The following LRRC7 variants were observed in gnomAD, a reference collection of about 807,000 sequenced individuals.
LRRC7 encodes leucine rich repeat containing 7, also known as leucine-rich repeat-containing protein 7.
In LRRC7, 23 loss-of-function variants were observed where a neutral mutation model predicts 175.7. The observed-to-expected ratio is 0.13, with a 90% CI of 0.09 to 0.19. The LOEUF is 0.19. Among genes scored for constraint, LRRC7 ranks in the 10% least tolerant of loss-of-function variants. The pLI, the probability that LRRC7 is intolerant of heterozygous loss-of-function variation, is 1.00. For synonymous variants in LRRC7, 685 were observed against 680.9 expected (o/e 1.01, Z -0.09); for missense variants, 1,354 against 1,904.7 (o/e 0.71, Z 5.38).
At chr1:69,671,064 T>A (rs1322498111) in intron 1 of LRRC7, among the ~76,000 whole-genome samples, 1 of 152,124 alleles carries the variant, frequency 6.6e-6, no homozygotes, top group African/African-American at 2.4e-5. Context: ...TTCCCTTCAC[T>A]TTTCTCAAGC....
At chr1:69,666,662 T>C (rs1263546652) in intron 1 of LRRC7, among the ~76,000 whole-genome samples, 1 of 152,068 alleles carries the variant, frequency 6.6e-6, no homozygotes, top group Non-Finnish European at 1.5e-5. Flanking sequence ...AGTTGTAATA[T>C]CTCCTTTTTT....
chr1:70,132,207 G>GT lies in LRRC7; in HGVS notation c.*10321dup, dbSNP rs1666693049. On this transcript the variant is annotated 3_prime_UTR_variant, in exon 27 of 27. Coordinates refer to ENST00000651989, the MANE Select transcript of LRRC7 (RefSeq NM_001370785.2). The stretch of plus-strand genomic sequence containing the variant: ...TCTCTGCTCTCTCTTGGCCAGAGGA[G>GT]TAATCGTTCAGCTCTTCTTGGTTTC... The GT allele has an allele frequency of 6.6e-6, 1 of 152,250 alleles. No individual in the cohort carries two copies. Among genetic ancestry groups the GT allele is most frequent in the South Asian group, 2.1e-4 (1 of 4,832 alleles). 9.4% of individuals were successfully genotyped at this position (152,250 alleles called of 1,614,324 possible). A position where few individuals can be genotyped will look rare whatever the true frequency, so the allele number is the denominator to read the frequency against.
At chr1:69,676,989 A>C (rs549242678) in intron 1 of LRRC7, among the ~76,000 whole-genome samples, 1 of 151,794 alleles carries the variant, frequency 6.6e-6, no homozygotes, top group South Asian at 2.1e-4. Flanking sequence ...GTGCTTTTGC[A>C]TACTCATACC....
At chr1:70,075,299 T>G (rs1662689689) in intron 23 of LRRC7, among the ~76,000 whole-genome samples, 1 of 152,108 alleles carries the variant, frequency 6.6e-6, no homozygotes, top group African/African-American at 2.4e-5. Flanking sequence ...AAGGAGCTGG[T>G]GCTAAAATGA....
chr1:69,597,302 T>C (rs937878838), intron 1 of LRRC7, among the ~76,000 whole-genome samples: 2 of 152,122 alleles, frequency 1.3e-5, no homozygotes, highest in Admixed American at 1.3e-4. Flanking sequence ...CTAGCTAACC[T>C]TGGATGGGTT....
At chr1:69,832,431 G>A (rs983400635) in intron 5 of LRRC7, among the ~76,000 whole-genome samples, 7 of 152,104 alleles carry the variant, frequency 4.6e-5, no homozygotes, top group Non-Finnish European at 8.8e-5. Flanking sequence ...AAATTATAAA[G>A]GCAGGGAGTT....
intron 23 of LRRC7, among the ~76,000 whole-genome samples, chr1:70,058,298 C>T (rs1220706856): frequency 6.6e-6 from 1 of 152,184 alleles, no homozygotes; most frequent in East Asian, 1.9e-4. Context: ...GCGAGAGCCA[C>T]TGTGCCCGGC....
chr1:69,781,883 AAGGAAGGAAGGAAGG>A (rs1673757177), intron 3 of LRRC7, among the ~76,000 whole-genome samples: 3 of 146,184 alleles, frequency 2.1e-5, no homozygotes, highest in Admixed American at 1.4e-4. Flanking sequence ...GAAGAAAGAA[AAGGAAGGAAGGAAGG>A]GAAAGAAAGA....
chr1:69,997,971 GA>G (rs1655164199), intron 11 of LRRC7, among the ~76,000 whole-genome samples: 1 of 152,106 alleles, frequency 6.6e-6, no homozygotes, highest in South Asian at 2.1e-4. Flanking sequence ...GTTTCAGAAG[GA>G]ATGGTGCCAG....
chr1:69,629,218 A>G (rs1652081055), intron 1 of LRRC7, among the ~76,000 whole-genome samples: 1 of 152,130 alleles, frequency 6.6e-6, no homozygotes, highest in African/African-American at 2.4e-5. Context: ...TAACTGAGAA[A>G]AGGCTGTTAT....
At chr1:69,924,708 A>G (rs1042709366) in intron 7 of LRRC7, among the ~76,000 whole-genome samples, 3 of 152,196 alleles carry the variant, frequency 2.0e-5, no homozygotes, top group African/African-American at 7.2e-5. Flanking sequence ...GGCTGAGACA[A>G]TGGGGTTTCC....
Position 70,106,507 on chromosome 1 carries a change from A to G in LRRC7, c.4546-1245A>G, listed in dbSNP as rs376536003. Reference sequence around the variant, plus strand: ...TTCTATTGCCAAATAATATTTCATTATATAGATATATACCACATTTTGTTT... The same window carrying G: ...TTCTATTGCCAAATAATATTTCATTGTATAGATATATACCACATTTTGTTT... On this transcript the variant is annotated intron_variant, in intron 25 of 26. Coordinates refer to ENST00000651989, the MANE Select transcript of LRRC7 (RefSeq NM_001370785.2). 1.8e-4 allele frequency among the ~76,000 whole-genome samples: 27 copies of G among 152,300 alleles called. No homozygotes were observed. The South Asian group carries it at 3.9e-3, about 22-fold the overall frequency.
rs79172752 is a variant in LRRC7 at position 69,649,809 on chromosome 1, C to T, written c.3-28572C>T. Among the ~76,000 whole-genome samples, 584 of 151,496 alleles carry T rather than the reference C, an allele frequency of 3.9e-3. 14 individuals are homozygous for T. In the East Asian group the frequency reaches 0.041, roughly 11 times the overall value. ...GCAAGCAGCTTTAGACATTACAAAA[C>T]GGCTTAAGGGTGGTAAAGATGGCTT... On this transcript the variant is annotated intron_variant, in intron 1 of 26. Coordinates refer to ENST00000651989, the MANE Select transcript of LRRC7 (RefSeq NM_001370785.2).
chr1:69,856,943 G>T (rs1001296194), intron 7 of LRRC7, among the ~76,000 whole-genome samples: 2 of 152,108 alleles, frequency 1.3e-5, no homozygotes, highest in Non-Finnish European at 2.9e-5. Flanking sequence ...TCCCTGGGAC[G>T]CAAGGCTGGT....
intron 2 of LRRC7, among the ~76,000 whole-genome samples, chr1:69,682,650 C>T (rs927684612): frequency 2.0e-5 from 3 of 152,042 alleles, no homozygotes; most frequent in Admixed American, 6.6e-5. Context: ...AACCAGAAAG[C>T]GGGACTTACC....
intron 2 of LRRC7, among the ~76,000 whole-genome samples, chr1:69,717,794 GAAAGA>G (rs1665591538): frequency 5.3e-5 from 1 of 18,714 alleles, no homozygotes; most frequent in South Asian, 2.2e-3. Flanking sequence ...AAGAAAGAAA[GAAAGA>G]AAGAAAGAAA....
intron 7 of LRRC7, among the ~76,000 whole-genome samples, chr1:69,887,799 G>A (rs1285626017): frequency 6.8e-6 from 1 of 147,004 alleles, no homozygotes; most frequent in African/African-American, 2.6e-5. Context: ...GGTTTTTGGT[G>A]TGGATGTCCT....
At chr1:69,790,340 T>C (rs1377375233) in intron 3 of LRRC7, among the ~76,000 whole-genome samples, 1 of 152,068 alleles carries the variant, frequency 6.6e-6, no homozygotes, top group Non-Finnish European at 1.5e-5. Context: ...TGTTACAGGC[T>C]GTTCAGAAGT....
intron 1 of LRRC7, among the ~76,000 whole-genome samples, chr1:69,651,182 T>C (rs1385326405): frequency 2.0e-5 from 3 of 152,210 alleles, no homozygotes; most frequent in Admixed American, 2.0e-4. Context: ...ATTCATATAC[T>C]GTATAAGTAA....
Sources: gnomAD v4.1 joint callset for allele counts (sites outside exome capture counted in the v4.1 genomes callset) on GRCh38, gnomAD v4.1.1 for gene constraint, MANE v1.5 for transcripts, NCBI Gene and HGNC (gene_info 2026-07-23, HGNC 2026-07-21) for gene names.